Variants in SLC9A9 observed in about 807,000 individuals in gnomAD.
SLC9A9 encodes sodium/hydrogen exchanger 9.
In SLC9A9, 62 loss-of-function variants were observed where a neutral mutation model predicts 77.8. The ratio of observed to expected loss-of-function variants is 0.80; its 90% CI spans 0.65 to 0.98. The LOEUF (loss-of-function observed/expected upper bound fraction) is 0.98, where lower values mean the gene tolerates loss of function less well. Ranked by LOEUF, SLC9A9 falls within the 50% of genes least tolerant of loss-of-function variation. The pLI is 0.00. For missense variants in SLC9A9, 775 were observed against 774.9 expected, an observed-to-expected ratio of 1.00 and a Z score of 0.00; for synonymous variants, 320 against 283.5, an observed-to-expected ratio of 1.13 and a Z score of -1.29.
At chr3:143,407,604 T>C (rs566853671) in intron 12 of SLC9A9, among the ~76,000 whole-genome samples, 1 of 152,186 alleles carries the variant, frequency 6.6e-6, no homozygotes, top group Non-Finnish European at 1.5e-5. Flanking sequence ...TGGGTTCTCT[T>C]AATTTCAGAG....
intron 4 of SLC9A9, among the ~76,000 whole-genome samples, chr3:143,757,926 AG>A (rs1424521496): frequency 6.6e-6 from 1 of 152,140 alleles, no homozygotes; most frequent in Admixed American, 6.6e-5. Context: ...CACTAGGTAA[AG>A]GAAACAGCCG....
intron 14 of SLC9A9, among the ~76,000 whole-genome samples, chr3:143,359,812 G>C (rs1027744413): frequency 3.3e-5 from 5 of 152,152 alleles, no homozygotes; most frequent in African/African-American, 1.2e-4. Flanking sequence ...TGGTGTCTCT[G>C]AATATTTAAC....
chr3:143,722,179 A>C (rs960589822), intron 4 of SLC9A9, among the ~76,000 whole-genome samples: 9 of 152,154 alleles, frequency 5.9e-5, no homozygotes, highest in Non-Finnish European at 1.2e-4. Context: ...GCAGGTTAAA[A>C]TAAGTCATCA....
At chr3:143,311,611 G>A (rs1215977673) in intron 14 of SLC9A9, among the ~76,000 whole-genome samples, 1 of 152,130 alleles carries the variant, frequency 6.6e-6, no homozygotes, top group Non-Finnish European at 1.5e-5. Flanking sequence ...TTAGGACCAG[G>A]TACAGTTGTA....
At chr3:143,670,441 T>A (rs1209243708) in intron 5 of SLC9A9, among the ~76,000 whole-genome samples, 3 of 152,208 alleles carry the variant, frequency 2.0e-5, no homozygotes, top group African/African-American at 7.2e-5. Flanking sequence ...AGGGCTGTCA[T>A]AATTTCAAAT....
chr3:143,682,217 A>C (rs1369298690), intron 5 of SLC9A9, among the ~76,000 whole-genome samples: 1 of 152,206 alleles, frequency 6.6e-6, no homozygotes, highest in African/African-American at 2.4e-5. Context: ...GCCAAGTTAA[A>C]GTCACTACTT....
chr3:143,298,557 C>T (rs575281328), intron 14 of SLC9A9, among the ~76,000 whole-genome samples: 10 of 152,340 alleles, frequency 6.6e-5, no homozygotes, highest in African/African-American at 2.4e-4. Flanking sequence ...AATGCTAGAC[C>T]TGCTGCCTTG....
intron 6 of SLC9A9, among the ~76,000 whole-genome samples, chr3:143,593,098 C>G (rs2037680328): frequency 6.6e-6 from 1 of 152,006 alleles, no homozygotes; most frequent in African/African-American, 2.4e-5. Context: ...ATGCCTTTGT[C>G]TAAGATGGGT....
intron 4 of SLC9A9, among the ~76,000 whole-genome samples, chr3:143,700,850 G>T (rs948338166): frequency 6.6e-6 from 1 of 152,216 alleles, no homozygotes; most frequent in Admixed American, 6.5e-5. Flanking sequence ...CCTTGGGCAA[G>T]ACCCAGTGCT....
intron 6 of SLC9A9, among the ~76,000 whole-genome samples, chr3:143,580,842 A>C (rs2037439559): frequency 6.6e-6 from 1 of 152,158 alleles, no homozygotes; most frequent in Non-Finnish European, 1.5e-5. Flanking sequence ...TGTCCATTGA[A>C]TTTGCTGGCC....
intron 12 of SLC9A9, among the ~76,000 whole-genome samples, chr3:143,439,838 C>T (rs1384015234): frequency 7.5e-6 from 1 of 132,832 alleles, no homozygotes; most frequent in African/African-American, 2.5e-5. Flanking sequence ...GAATGTGTGG[C>T]CATGAGGATA....
chr3:143,266,902 A>T lies in SLC9A9; in HGVS notation c.1738T>A (p.Cys580Ser), dbSNP rs1404257413. The T allele has an allele frequency of 6.2e-7, 1 of 1,614,054 alleles. No homozygotes were observed. The highest frequency in any genetic ancestry group is 8.5e-7 in the Non-Finnish European group (1 of 1,179,924). ...GCTAGTTCATCCTGGTTTACAATGC[A>T]TTCCACATCATCCTCTTTTAGCTGT... ...GEQLKEDDVE[C>S]IVNQDELAIN... The change falls in exon 16 of 16, where the codon TGC (cysteine) becomes AGC (serine). Residue 580 changes from cysteine to serine, a missense_variant. By Grantham distance (112) the Cys-to-Ser change is moderately radical. Transcript: ENST00000316549.
At chr3:143,514,821 T>G (rs1223139784) in intron 9 of SLC9A9, among the ~76,000 whole-genome samples, 1 of 152,238 alleles carries the variant, frequency 6.6e-6, no homozygotes, top group African/African-American at 2.4e-5. Flanking sequence ...CCACTAAAAC[T>G]TTCTCTATAT....
At position 143,822,543 on chromosome 3, in the gene SLC9A9, T is replaced by C. The variant is rs1365201868; in HGVS notation, c.378+9476A>G. ...GAATGTGCAGCTTCGTTAGGTCCCCTCCCCTCCTGTGCCCAGCTGTCTGTG... is the reference window on the plus strand; with the variant it reads ...GAATGTGCAGCTTCGTTAGGTCCCCCCCCCTCCTGTGCCCAGCTGTCTGTG... On this transcript the variant is annotated intron_variant, in intron 2 of 15. Transcript: ENST00000316549. Among the ~76,000 whole-genome samples, 3 of 152,142 alleles carry C rather than the reference T, an allele frequency of 2.0e-5. No homozygotes were observed. The East Asian group carries it at 5.8e-4, about 29-fold the overall frequency.
At chr3:143,430,775 T>C (rs1311701534) in intron 12 of SLC9A9, among the ~76,000 whole-genome samples, 1 of 152,204 alleles carries the variant, frequency 6.6e-6, no homozygotes, top group Non-Finnish European at 1.5e-5. Context: ...CAGGTGGGCA[T>C]GGTCACGTGA....
At chr3:143,706,005 C>T (rs1433987491) in intron 4 of SLC9A9, among the ~76,000 whole-genome samples, 1 of 152,170 alleles carries the variant, frequency 6.6e-6, no homozygotes, top group Non-Finnish European at 1.5e-5. Context: ...CTTTTACTTG[C>T]AGACTTAAGA....
intron 2 of SLC9A9, among the ~76,000 whole-genome samples, chr3:143,828,096 G>A (rs1245806070): frequency 6.6e-6 from 1 of 152,182 alleles, no homozygotes; most frequent in Non-Finnish European, 1.5e-5. Context: ...TATAGTCCAA[G>A]TTCTATCTCT....
intron 14 of SLC9A9, among the ~76,000 whole-genome samples, chr3:143,292,047 G>A (rs865901503): frequency 6.6e-6 from 1 of 152,296 alleles, no homozygotes; most frequent in Middle Eastern, 3.4e-3. Context: ...GCTTGTCCTG[G>A]TCTAACCTGC....
At chr3:143,555,355 C>A (rs1217428641) in intron 8 of SLC9A9, among the ~76,000 whole-genome samples, 2 of 152,164 alleles carry the variant, frequency 1.3e-5, no homozygotes, top group Non-Finnish European at 1.5e-5. Flanking sequence ...ATATCTTTAT[C>A]AGCAGCATGA....
Sources: gnomAD v4.1 joint callset for allele counts (sites outside exome capture counted in the v4.1 genomes callset) on GRCh38, gnomAD v4.1.1 for gene constraint, MANE v1.5 for transcripts, NCBI Gene and HGNC (gene_info 2026-07-23, HGNC 2026-07-21) for gene names.